RNF138: variants seen among roughly 807,000 people sequenced by gnomAD.
The protein encoded by RNF138 is E3 ubiquitin-protein ligase RNF138.
Under a neutral mutation model 31.0 loss-of-function variants are expected in RNF138, and 12 were observed. That is an observed-to-expected ratio of 0.39 (90% CI 0.25 to 0.63). The LOEUF (loss-of-function observed/expected upper bound fraction) is 0.63, where lower values mean the gene tolerates loss of function less well. RNF138 is among the 20% of genes least tolerant of loss of function. The pLI is 0.52. For missense variants in RNF138, 192 were observed against 300.1 expected (o/e 0.64, Z 2.66); for synonymous variants, 105 against 99.5 (o/e 1.06, Z -0.33).
At chr18:32,099,772 T>G (rs2039885897) in intron 2 of RNF138, among the ~76,000 whole-genome samples, 2 of 152,238 alleles carry the variant, frequency 1.3e-5, no homozygotes, top group Admixed American at 1.3e-4. Context: ...TTGACCAATG[T>G]CAGTTTCACT....
chr18:32,098,578 C>T (rs192425349), intron 2 of RNF138, among the ~76,000 whole-genome samples: 105 of 152,092 alleles, frequency 6.9e-4, no homozygotes, highest in Non-Finnish European at 1.3e-3. Context: ...TGAGGCCGGG[C>T]GCAGTGGCTC....
At position 32,113,875 on chromosome 18, in the gene RNF138, T is replaced by C. The variant is rs1395092391; in HGVS notation, c.392+15T>C. On this transcript the variant is annotated intron_variant, in intron 4 of 7. Transcript: ENST00000261593. ...GTAGGGAACAGGTAAGCAATACTTA[T>C]TCCTAAATACAGAATTTTCATAATT... 8 of 1,174,748 alleles carry C rather than the reference T, an allele frequency of 6.8e-6. No individual in the cohort carries two copies. The East Asian group carries it at 1.5e-4, about 22-fold the overall frequency. 72.8% of individuals were successfully genotyped at this position (1,174,748 alleles called of 1,614,324 possible). A position where few individuals can be genotyped will look rare whatever the true frequency, so the allele number is the denominator to read the frequency against.
chr18:32,130,714 G>A lies in RNF138; in HGVS notation c.*1527G>A, dbSNP rs2040460801. 1 of 152,170 alleles carries A rather than the reference G, an allele frequency of 6.6e-6. No individual in the cohort carries two copies. The highest frequency in any genetic ancestry group is 2.4e-5 in the African/African-American group (1 of 41,344). The allele number at this position is 152,170 out of a possible 1,614,324, so 9.4% of individuals were successfully genotyped here. On this transcript the variant is annotated 3_prime_UTR_variant, in exon 8 of 8. Coordinates refer to ENST00000261593, the MANE Select transcript of RNF138 (RefSeq NM_016271.5). The stretch of plus-strand genomic sequence containing the variant: ...TTGATTTAATAAAAATGTTAATTTT[G>A]GAAGTGCAGTTTTGTAAAAACCTTT...
intron 2 of RNF138, among the ~76,000 whole-genome samples, chr18:32,093,895 A>G (rs2039755929): frequency 6.6e-6 from 1 of 152,206 alleles, no homozygotes; most frequent in African/African-American, 2.4e-5. Flanking sequence ...CCCAGGCTCC[A>G]TTTCAAACTT....
chr18:32,113,834 G>T lies in RNF138; in HGVS notation c.366G>T (p.Gln122His), dbSNP rs763261761. The T allele has an allele frequency of 3.3e-6, 5 of 1,528,986 alleles. No homozygotes were observed. Among genetic ancestry groups the T allele is most frequent in the South Asian group, 1.2e-5 (1 of 82,772 alleles). 94.7% of individuals were successfully genotyped at this position (1,528,986 alleles called of 1,614,324 possible). ...YGVSSIIPNF[Q>H]ISQDSVGNSN... ...TTTCTTCTATCATTCCAAACTTTCA[G>T]ATCTCTCAAGATTCAGTAGGGAACA... is the stretch of plus-strand genomic sequence containing the variant. Residue 122 changes from glutamine to histidine, a missense_variant, in exon 4 of 8, where the codon CAG becomes CAT. Transcript: ENST00000261593.
At chr18:32,097,976 GT>G (rs368006147) in intron 2 of RNF138, among the ~76,000 whole-genome samples, 2,910 of 29,698 alleles carry the variant, frequency 0.098, 56 homozygotes, top group African/African-American at 0.2. Flanking sequence ...GTGTGTGTGT[GT>G]TATTTTTGTT....
rs147983842 is a variant in RNF138 at position 32,106,765 on chromosome 18, C to T, written c.111-4989C>T. On this transcript the variant is annotated intron_variant, in intron 2 of 7. Transcript: ENST00000261593. ...ATTTTTAGTAGAGACAGGGTTTCAC[C>T]GTGTTAGAGCCAGGATGATCTTGAT... 1.1e-4 allele frequency among the ~76,000 whole-genome samples: 17 copies of T among 151,962 alleles called. 1 individual carries two copies. The highest frequency in any genetic ancestry group is 6.3e-4 in the South Asian group (3 of 4,792).
chr18:32,127,549 T>C (rs1173695852), intron 7 of RNF138, among the ~76,000 whole-genome samples: 2 of 152,230 alleles, frequency 1.3e-5, no homozygotes, highest in African/African-American at 4.8e-5. Context: ...ACATCATTCT[T>C]GTTAAATGGT....
chr18:32,114,808 TAACC>T (rs2040188134), intron 4 of RNF138, among the ~76,000 whole-genome samples: 1 of 152,224 alleles, frequency 6.6e-6, no homozygotes, highest in African/African-American at 2.4e-5. Context: ...TTTAGTAACT[TAACC>T]GCCCTTAAGC....
At chr18:32,126,657 T>G (rs376913015) in intron 6 of RNF138, 36 bp from the exon 7 acceptor site, 1 of 1,199,744 alleles carries the variant, frequency 8.3e-7, no homozygotes, top group Admixed American at 1.8e-5. Context: ...TCATTGTTTT[T>G]ATTATTTTTT....
chr18:32,112,640 C>T (rs934175525), intron 3 of RNF138, among the ~76,000 whole-genome samples: 1 of 152,048 alleles, frequency 6.6e-6, no homozygotes, highest in African/African-American at 2.4e-5. Context: ...TGAGATTGCG[C>T]CATTGCACTC....
In RNF138 at chr18:32,126,632, C is replaced by T; in HGVS notation, c.562-61C>T. 1.1e-5 allele frequency: 12 copies of T among 1,046,968 alleles called. No individual in the cohort carries two copies. The South Asian group carries it at 1.8e-4, about 15-fold the overall frequency. The allele number at this position is 1,046,968 out of a possible 1,614,324, so 64.9% of individuals were successfully genotyped here. A position where few individuals can be genotyped will look rare whatever the true frequency, so the allele number is the denominator to read the frequency against. On this transcript the variant is annotated intron_variant, in intron 6 of 7. Transcript: ENST00000261593. ...TATCCCTGTGTTATTTTAATACTGT[C>T]AATTGTATAATATTTCATTGTTTTT...
At chr18:32,120,671 G>T (rs2040289302) in intron 4 of RNF138, among the ~76,000 whole-genome samples, 1 of 152,214 alleles carries the variant, frequency 6.6e-6, no homozygotes, top group African/African-American at 2.4e-5. Context: ...GAACTAGAAT[G>T]ATGATGATGA....
At chr18:32,120,470 A>G (rs1428815936) in intron 4 of RNF138, among the ~76,000 whole-genome samples, 1 of 152,234 alleles carries the variant, frequency 6.6e-6, no homozygotes, top group East Asian at 1.9e-4. Flanking sequence ...AACTATGGGA[A>G]AATAATTTTT....
chr18:32,115,587 A>C (rs2040201484), intron 4 of RNF138, among the ~76,000 whole-genome samples: 1 of 152,160 alleles, frequency 6.6e-6, no homozygotes. Flanking sequence ...TCTACTAAAA[A>C]TACAAAAATT....
intron 2 of RNF138, among the ~76,000 whole-genome samples, chr18:32,106,799 C>G (rs972696272): frequency 6.6e-6 from 1 of 151,990 alleles, no homozygotes; most frequent in African/African-American, 2.4e-5. Context: ...ATTTCCTGAC[C>G]TCGTGATCCG....
rs754899692 is a variant in RNF138 at position 32,123,576 on chromosome 18, T to C, written c.449+2T>C. The C allele has an allele frequency of 9.5e-6, 15 of 1,580,308 alleles. No individual in the cohort carries two copies. In the South Asian group the frequency reaches 1.7e-4, roughly 18 times the overall value. The stretch of plus-strand genomic sequence containing the variant: ...AGAAACTTACCAAGAGAATACAAGG[T>C]AAGCTTTTGAAAAATCCTGCCACTT... On this transcript the variant is annotated splice_donor_variant, in intron 5 of 7. Transcript: ENST00000261593. LOFTEE classifies it high-confidence loss of function.
chr18:32,106,860 C>T (rs1011938408), intron 2 of RNF138, among the ~76,000 whole-genome samples: 1 of 152,054 alleles, frequency 6.6e-6, no homozygotes, highest in Non-Finnish European at 1.5e-5. Flanking sequence ...GCCACCGCGC[C>T]CGGCTGAAAA....
At chr18:32,104,718 C>T (rs191729121) in intron 2 of RNF138, among the ~76,000 whole-genome samples, 1 of 152,266 alleles carries the variant, frequency 6.6e-6, no homozygotes, top group East Asian at 1.9e-4. Context: ...AAAATATACA[C>T]AGCTTCTTAA....
Sources: allele counts gnomAD v4.1 joint callset (sites outside exome capture counted in the v4.1 genomes callset), GRCh38; gene constraint gnomAD v4.1.1; transcripts MANE v1.5; gene names NCBI Gene and HGNC (gene_info 2026-07-23, HGNC 2026-07-21).